Variants in NUP210L observed in about 807,000 individuals in gnomAD.
NUP210L encodes nuclear pore membrane glycoprotein 210-like.
A neutral mutation model predicts 208.5 loss-of-function variants in NUP210L; 74 were observed. The ratio of observed to expected loss-of-function variants is 0.35; its 90% confidence interval spans 0.29 to 0.43. NUP210L has a LOEUF of 0.43. Ranked by LOEUF, NUP210L falls within the 20% of genes least tolerant of loss-of-function variation. The pLI, the probability that NUP210L is intolerant of heterozygous loss-of-function variation, is 1.00. For missense variants in NUP210L, 1,843 were observed against 2,289.4 expected, an observed-to-expected ratio of 0.81 and a Z score of 3.98; for synonymous variants, 780 against 816.9, an observed-to-expected ratio of 0.95 and a Z score of 0.77.
intron 5 of NUP210L, 108 bp downstream of exon 5, chr1:154,139,694 A>G (rs573931675): frequency 1.1e-6 from 1 of 870,886 alleles, no homozygotes; most frequent in Non-Finnish European, 1.8e-6. Context: ...AAACAAAAAA[A>G]AAAAAAAAAC....
chr1:154,099,502 C>T (rs1656351818), intron 14 of NUP210L, among the ~76,000 whole-genome samples: 3 of 152,188 alleles, frequency 2.0e-5, no homozygotes, highest in African/African-American at 7.2e-5. Flanking sequence ...TATAATGAAC[C>T]AGTCCTTAGG....
chr1:154,038,301 T>C, intron 27 of NUP210L, among the ~76,000 whole-genome samples: 1 of 151,418 alleles, frequency 6.6e-6, no homozygotes, highest in Non-Finnish European at 1.5e-5. Context: ...CCCAGTCAAT[T>C]TTTGTATTTT....
At chr1:154,031,798 T>G (rs1370395972) in intron 27 of NUP210L, among the ~76,000 whole-genome samples, 1 of 151,904 alleles carries the variant, frequency 6.6e-6, no homozygotes, top group Non-Finnish European at 1.5e-5. Flanking sequence ...CATGGCTCAT[T>G]GCCACCTCAG....
At chr1:154,091,476 ATG>A (rs1474930664) in intron 15 of NUP210L, among the ~76,000 whole-genome samples, 4 of 148,340 alleles carry the variant, frequency 2.7e-5, no homozygotes, top group Non-Finnish European at 4.5e-5. Flanking sequence ...GATAAGCAAC[ATG>A]TCTTTTTCTT....
At chr1:154,054,891 T>C in intron 23 of NUP210L, 59 bp from the exon 24 acceptor site, 3 of 1,209,888 alleles carry the variant, frequency 2.5e-6, no homozygotes, top group Non-Finnish European at 3.6e-6. Context: ...TTATAACATA[T>C]CATGGTCATT....
exon 7 of NUP210L, chr1:154,135,926 A>G (rs1362927372): frequency 6.2e-7 from 1 of 1,605,334 alleles, no homozygotes; most frequent in African/African-American, 1.3e-5. Flanking sequence ...GTGCAACTCT[A>G]TGGTCTTGCA....
chr1:154,085,472 T>C (rs1314187325), intron 16 of NUP210L, among the ~76,000 whole-genome samples: 2 of 151,972 alleles, frequency 1.3e-5, no homozygotes, highest in South Asian at 2.1e-4. Context: ...ACAGGAAACA[T>C]TGTTGAAAGA....
intron 2 of NUP210L, among the ~76,000 whole-genome samples, chr1:154,145,113 C>G (rs904785563): frequency 2.8e-4 from 39 of 137,674 alleles, no homozygotes; most frequent in African/African-American, 1.1e-3. Flanking sequence ...CTCAAAAAAA[C>G]AAAAAATTAA....
chr1:154,154,873 G>A (rs779475897), exon 1 of NUP210L: 1 of 1,614,212 alleles, frequency 6.2e-7, no homozygotes, highest in Admixed American at 1.7e-5. Context: ...GCCTCCAGCA[G>A]GAAAGGCACC....
intron 12 of NUP210L, among the ~76,000 whole-genome samples, chr1:154,111,988 C>T (rs779995032): frequency 7.9e-5 from 12 of 151,414 alleles, no homozygotes; most frequent in Non-Finnish European, 1.2e-4. Context: ...AGTGCAATGG[C>T]GCGATCTCAG....
chr1:154,094,864 G>T, intron 15 of NUP210L, 71 bp downstream of exon 15: 1 of 1,110,942 alleles, frequency 9.0e-7, no homozygotes. Context: ...AATCTGAAAA[G>T]GAATGGCTGG....
At chr1:154,044,548 G>A (rs1653072222) in intron 27 of NUP210L, among the ~76,000 whole-genome samples, 1 of 152,012 alleles carries the variant, frequency 6.6e-6, no homozygotes, top group South Asian at 2.1e-4. Context: ...AACCACTAGA[G>A]TTTCCTTAAA....
chr1:154,129,333 C>A (rs564027158), exon 8 of NUP210L: 3 of 1,608,290 alleles, frequency 1.9e-6, no homozygotes, highest in Non-Finnish European at 2.5e-6. Flanking sequence ...AGACACAGAT[C>A]GCATATGAAC....
In NUP210L at chr1:154,056,954, A is replaced by T; in HGVS notation, c.3108-7T>A. On this transcript the variant is annotated splice_polypyrimidine_tract_variant and splice_region_variant and intron_variant, in intron 22 of 39. Transcript: ENST00000368559. ...GTCCTGTTGCTCCATTGGTCTGCAA[A>T]AACCCATGTATTTTCAGGTGAGAAA... 6.2e-7 allele frequency: 1 copy of T among 1,607,210 alleles called. No individual in the cohort carries two copies. Among genetic ancestry groups the T allele is most frequent in the Non-Finnish European group, 8.5e-7 (1 of 1,177,996 alleles).
At chr1:154,093,871 C>G (rs1469416702) in intron 15 of NUP210L, among the ~76,000 whole-genome samples, 1 of 152,182 alleles carries the variant, frequency 6.6e-6, no homozygotes, top group African/African-American at 2.4e-5. Context: ...TAAAACTCAG[C>G]TGGGTGTAGT....
chr1:154,005,032 T>A (rs1202716806), intron 35 of NUP210L, among the ~76,000 whole-genome samples: 1 of 150,498 alleles, frequency 6.6e-6, no homozygotes, highest in African/African-American at 2.4e-5. Context: ...TTTTGTATTT[T>A]TAGTAGAGAC....
chr1:153,993,616 A>AT (rs991677538), intron 38 of NUP210L, among the ~76,000 whole-genome samples: 122 of 141,216 alleles, frequency 8.6e-4, no homozygotes, highest in East Asian at 1.1e-3. Context: ...TGTTGTGTTA[A>AT]TTTTTTTTTT....
intron 27 of NUP210L, among the ~76,000 whole-genome samples, chr1:154,040,882 C>G (rs1000994058): frequency 6.6e-6 from 1 of 151,696 alleles, no homozygotes; most frequent in Non-Finnish European, 1.5e-5. Flanking sequence ...TGAGCCACCG[C>G]GCCCAGCCAG....
At chr1:154,086,048 C>T (rs961042424) in intron 16 of NUP210L, among the ~76,000 whole-genome samples, 1 of 151,738 alleles carries the variant, frequency 6.6e-6, no homozygotes, top group African/African-American at 2.4e-5. Flanking sequence ...CCTGTCTCTA[C>T]TAAAAATACA....
Sources: gnomAD v4.1 joint callset for allele counts (sites outside exome capture counted in the v4.1 genomes callset) on GRCh38, gnomAD v4.1.1 for gene constraint, MANE v1.5 for transcripts, NCBI Gene and HGNC (gene_info 2026-07-23, HGNC 2026-07-21) for gene names.